MORC1: variants seen among roughly 807,000 people sequenced by gnomAD.
MORC1 encodes the protein MORC family CW-type zinc finger 1.
In MORC1, 59 loss-of-function variants were observed where a neutral mutation model predicts 134.9. That is an observed-to-expected ratio of 0.44 (90% confidence interval 0.35 to 0.54). MORC1 has a LOEUF of 0.54. MORC1 is among the 20% of genes least tolerant of loss of function. MORC1 has a pLI of 0.00. For synonymous variants in MORC1, 395 were observed against 391.7 expected (o/e 1.01, Z -0.10); for missense variants, 947 against 1,134.5 (o/e 0.83, Z 2.37).
At chr3:109,066,904 C>T (rs1405921088) in intron 9 of MORC1, among the ~76,000 whole-genome samples, 2 of 152,174 alleles carry the variant, frequency 1.3e-5, no homozygotes, top group African/African-American at 4.8e-5. Flanking sequence ...CCACATTTCG[C>T]TTCCAATTAT....
intron 17 of MORC1, chr3:109,019,263 T>C (rs1948899984): frequency 6.6e-6 from 1 of 152,258 alleles, no homozygotes; most frequent in South Asian, 2.1e-4. Flanking sequence ...CACCACATCC[T>C]GCTGCTTGCA....
In MORC1 at chr3:109,013,972, T is replaced by C. The variant is rs540662309; in HGVS notation, c.1705-6881A>G. ...CCCTGACAAGATACTGGCACCTTGA[T>C]ATTGAACTTCCCAGCCTCTAGAACT... On this transcript the variant is annotated intron_variant, in intron 17 of 27. Coordinates refer to ENST00000232603, the MANE Select transcript of MORC1 (RefSeq NM_014429.4). 5.6e-4 allele frequency among the ~76,000 whole-genome samples: 86 copies of C among 152,300 alleles called. 2 individuals are homozygous for C. The highest frequency in any genetic ancestry group is 1.9e-3 in the African/African-American group (77 of 41,562).
intron 21 of MORC1, among the ~76,000 whole-genome samples, chr3:108,993,599 T>C (rs995622883): frequency 2.0e-5 from 3 of 152,162 alleles, no homozygotes; most frequent in Admixed American, 6.5e-5. Flanking sequence ...CCAGGAATGG[T>C]AGCATCATCA....
At chr3:109,098,168 C>T (rs1950862331) in intron 6 of MORC1, among the ~76,000 whole-genome samples, 1 of 152,014 alleles carries the variant, frequency 6.6e-6, no homozygotes, top group Non-Finnish European at 1.5e-5. Context: ...TCTTCAGCCT[C>T]CTGAGTAGCT....
intron 8 of MORC1, among the ~76,000 whole-genome samples, chr3:109,084,851 T>C (rs1391780632): frequency 6.6e-6 from 1 of 152,052 alleles, no homozygotes; most frequent in Non-Finnish European, 1.5e-5. Context: ...CACACATTTA[T>C]AGCCAACTCA....
chr3:109,095,131 T>A, intron 6 of MORC1, 63 bp from the exon 7 acceptor site: 2 of 1,436,588 alleles, frequency 1.4e-6, no homozygotes, highest in Non-Finnish European at 9.4e-7. Context: ...TCTTTTGTCT[T>A]ATCTATTTCA....
chr3:109,080,913 A>C (rs902036022), intron 8 of MORC1, among the ~76,000 whole-genome samples: 1 of 152,186 alleles, frequency 6.6e-6, no homozygotes, highest in East Asian at 1.9e-4. Context: ...TGTATGATAA[A>C]AATTTAGTTT....
chr3:109,004,880 C>G lies in MORC1; in HGVS notation c.2022G>C (p.Gln674His). 1 of 1,613,000 alleles carries G rather than the reference C, an allele frequency of 6.2e-7. No homozygotes were observed. Among genetic ancestry groups the G allele is most frequent in the Non-Finnish European group, 8.5e-7 (1 of 1,179,766 alleles). The change falls in exon 20 of 28, where the codon CAG becomes CAC. Residue 674 changes from glutamine to histidine, a missense_variant. Coordinates refer to ENST00000232603, the MANE Select transcript of MORC1 (RefSeq NM_014429.4). ...TCCAGACAGTGGTAATATTAGCAAT[C>G]TGACTTCTCTTTCAAAACAGAGAAT... ...VKLAERSQRS[Q>H]IANITTVWRA... is the part of the protein sequence containing the mutation.
intron 14 of MORC1, among the ~76,000 whole-genome samples, chr3:109,048,121 A>G (rs1949738787): frequency 6.6e-6 from 1 of 152,212 alleles, no homozygotes; most frequent in Non-Finnish European, 1.5e-5. Context: ...TGTGATAACT[A>G]TAAGACAACC....
In MORC1 at chr3:109,118,129, GC is replaced by G; in HGVS notation, c.-71del. ...GACCGGCAGCCGTTCGCCTGCGCCC[GC>G]GCCCACTCCCACGCCCACGCTCACG... is the stretch of plus-strand genomic sequence containing the variant. On this transcript the variant is annotated 5_prime_UTR_variant, in exon 1 of 28. Transcript: ENST00000232603. The G allele has an allele frequency of 6.5e-7, 1 of 1,541,114 alleles. No homozygotes were observed. Among genetic ancestry groups the G allele is most frequent in the Non-Finnish European group, 8.8e-7 (1 of 1,134,424 alleles).
In MORC1 at chr3:109,118,113, C is replaced by A; in HGVS notation, c.-54G>T. ...GGGGACAAGGACACCTGACCGGCAG[C>A]CGTTCGCCTGCGCCCGCGCCCACTC... is the stretch of plus-strand genomic sequence containing the variant. On this transcript the variant is annotated 5_prime_UTR_variant, in exon 1 of 28. Coordinates refer to ENST00000232603, the MANE Select transcript of MORC1 (RefSeq NM_014429.4). The A allele has an allele frequency of 6.4e-7, 1 of 1,566,398 alleles. No individual in the cohort carries two copies. The highest frequency in any genetic ancestry group is 8.7e-7 in the Non-Finnish European group (1 of 1,152,376).
chr3:109,014,130 G>A (rs755888832), intron 17 of MORC1, among the ~76,000 whole-genome samples: 1 of 152,066 alleles, frequency 6.6e-6, no homozygotes, highest in African/African-American at 2.4e-5. Context: ...CATTTTCTGT[G>A]TTGCTCTTAG....
At chr3:108,969,541 T>C in intron 26 of MORC1, 128 bp downstream of exon 26, 1 of 873,992 alleles carries the variant, frequency 1.1e-6, no homozygotes, top group Non-Finnish European at 1.8e-6. Context: ...TATACATTAA[T>C]CTAAGTCTCG....
chr3:109,107,995 G>A (rs1951074747), intron 3 of MORC1, among the ~76,000 whole-genome samples: 1 of 152,106 alleles, frequency 6.6e-6, no homozygotes, highest in Non-Finnish European at 1.5e-5. Context: ...TCAGGAGTTT[G>A]AGACCAGCCT....
intron 9 of MORC1, among the ~76,000 whole-genome samples, chr3:109,065,896 A>T (rs1209164563): frequency 6.6e-6 from 1 of 152,202 alleles, no homozygotes; most frequent in Non-Finnish European, 1.5e-5. Flanking sequence ...CCATCATCTT[A>T]AGTAAATTAA....
chr3:109,080,272 G>A (rs1395643981), intron 8 of MORC1, among the ~76,000 whole-genome samples: 2 of 152,140 alleles, frequency 1.3e-5, no homozygotes, highest in African/African-American at 4.8e-5. Context: ...GTCTTACATG[G>A]ATGGCAGCAG....
At chr3:109,052,827 C>T (rs1441027785) in intron 14 of MORC1, among the ~76,000 whole-genome samples, 3 of 152,074 alleles carry the variant, frequency 2.0e-5, no homozygotes, top group East Asian at 1.9e-4. Flanking sequence ...AGTTTATTTA[C>T]AGACGACCTA....
At chr3:108,980,887 G>A (rs1947698920) in intron 23 of MORC1, among the ~76,000 whole-genome samples, 1 of 152,130 alleles carries the variant, frequency 6.6e-6, no homozygotes, top group South Asian at 2.1e-4. Context: ...AGATGAGAAC[G>A]GTCAGTGTTG....
chr3:108,996,753 G>T (rs553860392), intron 21 of MORC1, among the ~76,000 whole-genome samples: 1 of 152,288 alleles, frequency 6.6e-6, no homozygotes, highest in South Asian at 2.1e-4. Context: ...GCTCATGCCT[G>T]TAATCCCAGC....
Sources: allele counts gnomAD v4.1 joint callset (sites outside exome capture counted in the v4.1 genomes callset), GRCh38; gene constraint gnomAD v4.1.1; transcripts MANE v1.5; gene names NCBI Gene and HGNC (gene_info 2026-07-23, HGNC 2026-07-21).